The following VKORC1L1 variants were observed in gnomAD, a reference collection of about 807,000 sequenced individuals.
VKORC1L1 encodes vitamin K epoxide reductase complex subunit 1-like protein 1.
VKORC1L1 carries 2 observed loss-of-function variants against 18.9 expected under a neutral mutation model. That is an observed-to-expected ratio of 0.11 (90% CI 0.04 to 0.33). VKORC1L1 has a LOEUF of 0.33. VKORC1L1 is among the 10% of genes least tolerant of loss of function. The pLI is 1.00. For synonymous variants in VKORC1L1, 96 were observed against 100.0 expected (o/e 0.96, Z 0.24); for missense variants, 123 against 224.1 (o/e 0.55, Z 2.88).
intron 1 of VKORC1L1, among the ~76,000 whole-genome samples, chr7:65,925,723 G>A (rs566379513): frequency 1.3e-5 from 2 of 152,238 alleles, no homozygotes; most frequent in Non-Finnish European, 1.5e-5. Flanking sequence ...TAAAATTTGA[G>A]TAAGTGCATT....
rs182759075 is a variant in VKORC1L1 at position 65,880,930 on chromosome 7, G to A, written c.194+7365G>A. ...TGTACAGGTTGAGGATCCCTAATCC[G>A]AAAATCCAAAATCTGAAATGCCCCT... On this transcript the variant is annotated intron_variant, in intron 1 of 2. Transcript: ENST00000360768. Among the ~76,000 whole-genome samples, 1,461 of 152,248 alleles carry A rather than the reference G, an allele frequency of 9.6e-3. 28 individuals carry two copies. Among genetic ancestry groups the A allele is most frequent in the African/African-American group, 0.033 (1,360 of 41,536 alleles).
At chr7:65,874,102 C>T (rs1208574134) in intron 1 of VKORC1L1, among the ~76,000 whole-genome samples, 2 of 152,142 alleles carry the variant, frequency 1.3e-5, no homozygotes, top group Non-Finnish European at 2.9e-5. Context: ...TTTCCGTGGT[C>T]AGGCCTCTTT....
chr7:65,868,029 TA>T, the VKORC1L1 span, among the ~76,000 whole-genome samples: 1 of 152,206 alleles, frequency 6.6e-6, no homozygotes, highest in African/African-American at 2.4e-5. Flanking sequence ...GCACTTTTAG[TA>T]GAGATAGGGT....
intron 1 of VKORC1L1, among the ~76,000 whole-genome samples, chr7:65,886,548 A>AT (rs1789014552): frequency 1.3e-5 from 2 of 151,154 alleles, no homozygotes; most frequent in South Asian, 2.1e-4. Context: ...TATTTTATTT[A>AT]TTTTTTTGAG....
At chr7:65,927,715 A>G (rs991224209) in intron 1 of VKORC1L1, among the ~76,000 whole-genome samples, 2 of 152,150 alleles carry the variant, frequency 1.3e-5, no homozygotes, top group African/African-American at 4.8e-5. Flanking sequence ...GATTTCAAGT[A>G]TGTTCTTTAG....
At chr7:65,872,525 G>A (rs1361966642), upstream of VKORC1L1, among the ~76,000 whole-genome samples, 1 of 151,908 alleles carries the variant, frequency 6.6e-6, no homozygotes, top group Non-Finnish European at 1.5e-5. Flanking sequence ...ACGCGGTTAC[G>A]CCATGTAGGC....
At chr7:65,909,875 G>A (rs1414479950) in intron 1 of VKORC1L1, among the ~76,000 whole-genome samples, 1 of 151,990 alleles carries the variant, frequency 6.6e-6, no homozygotes, top group Admixed American at 6.6e-5. Context: ...GTGCCACCAT[G>A]CCCGGCTAAT....
chr7:65,942,491 CAA>C (rs764138467), intron 1 of VKORC1L1, among the ~76,000 whole-genome samples: 58 of 75,522 alleles, frequency 7.7e-4, no homozygotes, highest in East Asian at 3.0e-3. Context: ...GACTCCATCT[CAA>C]AAAAAAAAAA....
At position 65,911,584 on chromosome 7, in the gene VKORC1L1, TTG is replaced by T. The variant is rs1188786747; in HGVS notation, c.195-37085_195-37084del. ...GCATTGTTGAATGTGTATAAAAGTT[TTG>T]TTTGTTTGTTTGTTTGTTTGTTTTT... On this transcript the variant is annotated intron_variant, in intron 1 of 2. Coordinates refer to ENST00000360768, the MANE Select transcript of VKORC1L1 (RefSeq NM_173517.6). Among the ~76,000 whole-genome samples, 23 of 151,746 alleles carry T rather than the reference TTG, an allele frequency of 1.5e-4. No individual in the cohort carries two copies. In the East Asian group the frequency reaches 4.1e-3, roughly 27 times the overall value.
chr7:65,878,440 T>G (rs1258093121), intron 1 of VKORC1L1, among the ~76,000 whole-genome samples: 3 of 151,134 alleles, frequency 2.0e-5, no homozygotes, highest in Non-Finnish European at 4.4e-5. Flanking sequence ...AGAGGGAAAC[T>G]CTGTCTTACA....
chr7:65,871,669 C>G (rs553150390), upstream of VKORC1L1, among the ~76,000 whole-genome samples: 6 of 152,328 alleles, frequency 3.9e-5, no homozygotes, highest in African/African-American at 7.2e-5. Context: ...CCAAGAGGTG[C>G]AAGTGGACAG....
chr7:65,866,468 G>T, the VKORC1L1 span, among the ~76,000 whole-genome samples: 3 of 152,178 alleles, frequency 2.0e-5, no homozygotes, highest in African/African-American at 7.2e-5. Flanking sequence ...ACTGTGGACT[G>T]TGGGCAAATT....
intron 1 of VKORC1L1, among the ~76,000 whole-genome samples, chr7:65,897,861 TCA>T (rs1789242062): frequency 6.6e-6 from 1 of 152,234 alleles, no homozygotes; most frequent in East Asian, 1.9e-4. Flanking sequence ...CATCACACAA[TCA>T]CACATAAAGA....
At chr7:65,878,601 C>A (rs1403863833) in intron 1 of VKORC1L1, among the ~76,000 whole-genome samples, 1 of 151,856 alleles carries the variant, frequency 6.6e-6, no homozygotes, top group Non-Finnish European at 1.5e-5. Flanking sequence ...CTTTGCACCC[C>A]CATTTTAAAA....
chr7:65,871,430 G>A (rs1788724503), upstream of VKORC1L1, among the ~76,000 whole-genome samples: 1 of 152,124 alleles, frequency 6.6e-6, no homozygotes, highest in Non-Finnish European at 1.5e-5. Flanking sequence ...CCTGACCTCA[G>A]GTGCTCTACC....
intron 1 of VKORC1L1, among the ~76,000 whole-genome samples, chr7:65,907,305 C>T (rs1047601183): frequency 6.6e-6 from 1 of 151,904 alleles, no homozygotes; most frequent in Non-Finnish European, 1.5e-5. Context: ...GGCATGGTGG[C>T]GTGTGCCTAT....
At chr7:65,898,657 T>C (rs967316890) in intron 1 of VKORC1L1, among the ~76,000 whole-genome samples, 2 of 152,250 alleles carry the variant, frequency 1.3e-5, no homozygotes, top group African/African-American at 4.8e-5. Flanking sequence ...CTTTCTATAC[T>C]AATTTGTGAC....
chr7:65,870,975 C>T (rs1788718625), upstream of VKORC1L1, among the ~76,000 whole-genome samples: 2 of 151,956 alleles, frequency 1.3e-5, no homozygotes, highest in Non-Finnish European at 2.9e-5. Flanking sequence ...TTGCAGAGAC[C>T]AGGGCTCCCT....
In VKORC1L1 at chr7:65,873,446, C is replaced by T. The variant is rs537816630; in HGVS notation, c.75C>T (p.Ala25=). Residue 25 remains alanine, a synonymous_variant, in exon 1 of 3, where the codon GCC becomes GCT. Coordinates refer to ENST00000360768, the MANE Select transcript of VKORC1L1 (RefSeq NM_173517.6). ...TGGCCCGGTATGCAGTGTGCGCTGC[C>T]GGAATCCTGCTCTCCATCTACGCCT... ...ERVARYAVCA[A]GILLSIYAYH... The T allele has an allele frequency of 1.9e-6, 3 of 1,592,072 alleles. No individual in the cohort carries two copies. Among genetic ancestry groups the T allele is most frequent in the Admixed American group, 1.7e-5 (1 of 58,704 alleles).
Sources: allele counts gnomAD v4.1 joint callset (sites outside exome capture counted in the v4.1 genomes callset), GRCh38; gene constraint gnomAD v4.1.1; transcripts MANE v1.5; gene names NCBI Gene and HGNC (gene_info 2026-07-23, HGNC 2026-07-21).